The following KDM2A variants were observed in gnomAD, a reference collection of about 807,000 sequenced individuals.
The protein encoded by KDM2A is lysine-specific demethylase 2A.
Under a neutral mutation model 137.3 loss-of-function variants are expected in KDM2A, and 3 were observed. The observed-to-expected ratio is 0.02, with a 90% confidence interval of 0.01 to 0.06. The LOEUF is 0.06. Among genes scored for constraint, KDM2A ranks in the 10% least tolerant of loss-of-function variants. The probability of loss-of-function intolerance (pLI) is 1.00; values close to 1 mark genes in which losing one functional copy is unlikely to be tolerated. For synonymous variants in KDM2A, 512 were observed against 541.5 expected (o/e 0.95, Z 0.76); for missense variants, 738 against 1,510.6 (o/e 0.49, Z 8.48).
intron 2 of KDM2A, among the ~76,000 whole-genome samples, chr11:67,128,009 CTTT>C (rs56704753): frequency 7.4e-5 from 8 of 107,876 alleles, no homozygotes; most frequent in South Asian, 3.2e-4. Context: ...CACACCCGGC[CTTT>C]TTTTTTTTTT....
At chr11:67,216,090 A>G (rs1289603575) in intron 8 of KDM2A, 141 bp downstream of exon 8, 2 of 723,418 alleles carry the variant, frequency 2.8e-6, no homozygotes, top group African/African-American at 3.5e-5. Context: ...TTATAGATTA[A>G]GTTCACCTTC....
Position 67,248,267 on chromosome 11 carries a change from C to CT in KDM2A, c.1966-13dup. On this transcript the variant is annotated splice_polypyrimidine_tract_variant and intron_variant, in intron 15 of 20. Transcript: ENST00000529006. ...GAGAGACAGGCTTTTAAAAACATCT[C>CT]TGTCTTCCTATAGATGGACGGAGAG... 1 of 1,581,238 alleles carries CT rather than the reference C, an allele frequency of 6.3e-7. No individual in the cohort carries two copies. The highest frequency in any genetic ancestry group is 8.6e-7 in the Non-Finnish European group (1 of 1,157,454).
intron 5 of KDM2A, among the ~76,000 whole-genome samples, chr11:67,190,567 C>T (rs892885169): frequency 1.3e-5 from 2 of 152,108 alleles, no homozygotes; most frequent in African/African-American, 4.8e-5. Flanking sequence ...TGAGACCATC[C>T]TGGGCAACAT....
chr11:67,132,352 C>T (rs546045954), intron 2 of KDM2A, among the ~76,000 whole-genome samples: 9 of 152,316 alleles, frequency 5.9e-5, no homozygotes, highest in South Asian at 4.1e-4. Context: ...GGCACGATCT[C>T]GGCTCACTGT....
At chr11:67,193,807 G>A (rs1857413503) in intron 5 of KDM2A, among the ~76,000 whole-genome samples, 1 of 152,232 alleles carries the variant, frequency 6.6e-6, no homozygotes, top group African/African-American at 2.4e-5. Context: ...GTTGCGGTAA[G>A]CTGAGACCAT....
intron 16 of KDM2A, among the ~76,000 whole-genome samples, chr11:67,248,790 C>G (rs1410811369): frequency 2.0e-5 from 3 of 152,206 alleles, no homozygotes; most frequent in Non-Finnish European, 4.4e-5. Context: ...ACATTTTTGT[C>G]ATCTTCACTT....
intron 2 of KDM2A, among the ~76,000 whole-genome samples, chr11:67,179,624 A>G (rs2136334087): frequency 6.6e-6 from 1 of 152,294 alleles, no homozygotes; most frequent in Admixed American, 6.5e-5. Context: ...TATCTGAGAC[A>G]AGGGTTTTTG....
At chr11:67,162,647 C>T (rs1309034825) in intron 2 of KDM2A, among the ~76,000 whole-genome samples, 2 of 152,134 alleles carry the variant, frequency 1.3e-5, no homozygotes, top group Admixed American at 6.6e-5. Context: ...CTCAAGTGAT[C>T]CGCCCGCCTC....
chr11:67,197,821 G>A (rs1488053807), intron 5 of KDM2A, among the ~76,000 whole-genome samples: 1 of 152,080 alleles, frequency 6.6e-6, no homozygotes, highest in Non-Finnish European at 1.5e-5. Context: ...ACAATGCAAC[G>A]GCTAGAGGCA....
At chr11:67,173,205 C>G (rs1205982649) in intron 2 of KDM2A, among the ~76,000 whole-genome samples, 3 of 152,190 alleles carry the variant, frequency 2.0e-5, no homozygotes, top group African/African-American at 7.2e-5. Context: ...ACACTGCAAC[C>G]TCTGCCTCGC....
intron 2 of KDM2A, among the ~76,000 whole-genome samples, chr11:67,152,535 G>A (rs1273184851): frequency 6.6e-6 from 1 of 151,972 alleles, no homozygotes; most frequent in African/African-American, 2.4e-5. Flanking sequence ...TTGAGCCTGG[G>A]AGGTCAAGGC....
rs1857061097 is a variant in KDM2A, at chr11:67,180,260, GA to G, written c.181+45del. On this transcript the variant is annotated intron_variant, in intron 3 of 20. Coordinates refer to ENST00000529006, the MANE Select transcript of KDM2A (RefSeq NM_012308.3). ...TCCAGCTTACAGTCCTTTGATGTGG[GA>G]AGCCATAGACTCTGAGCATTGGGGG... 3 of 1,596,282 alleles carry G rather than the reference GA, an allele frequency of 1.9e-6. No individual in the cohort carries two copies. In the Admixed American group the frequency reaches 5.2e-5, roughly 28 times the overall value.
rs1590725111 is a variant in KDM2A, at chr11:67,150,077, G to A, written c.42+28719G>A. Among the ~76,000 whole-genome samples, 8 of 152,264 alleles carry A rather than the reference G, an allele frequency of 5.3e-5. No homozygotes were observed. In the South Asian group the frequency reaches 1.7e-3, roughly 32 times the overall value. ...AAAAGATAGCAAAATTCAACAATTC[G>A]TTGTGTAATGACAGATCTTACACGA... On this transcript the variant is annotated intron_variant, in intron 2 of 20. Transcript: ENST00000529006.
intron 16 of KDM2A, among the ~76,000 whole-genome samples, chr11:67,249,276 G>A (rs1219888792): frequency 6.6e-6 from 1 of 152,140 alleles, no homozygotes; most frequent in East Asian, 1.9e-4. Context: ...ATGTGTTGTT[G>A]GCAGATGGCT....
At chr11:67,214,063 G>A (rs920695874) in intron 6 of KDM2A, among the ~76,000 whole-genome samples, 59 of 151,576 alleles carry the variant, frequency 3.9e-4, no homozygotes, top group Non-Finnish European at 5.5e-4. Context: ...TTTTTGAGAC[G>A]GCGTTTCGCT....
intron 2 of KDM2A, among the ~76,000 whole-genome samples, chr11:67,145,708 A>G (rs1457145226): frequency 6.6e-6 from 1 of 151,892 alleles, no homozygotes; most frequent in Non-Finnish European, 1.5e-5. Flanking sequence ...TTTTCTCATT[A>G]CTTGAAAATG....
chr11:67,213,856 A>C (rs1858071386), intron 6 of KDM2A, among the ~76,000 whole-genome samples: 1 of 150,912 alleles, frequency 6.6e-6, no homozygotes, highest in African/African-American at 2.4e-5. Context: ...TAGTTATCTT[A>C]GTTTTTTTGT....
In KDM2A at chr11:67,177,191, G is replaced by A. The variant is rs150613065; in HGVS notation, c.43-2888G>A. ...TGAGGCGAGAGAATCACTTGAACCCGGGAGGTGGAGGTTGCAGAGAGCCGA... is the reference window on the plus strand; with the variant it reads ...TGAGGCGAGAGAATCACTTGAACCCAGGAGGTGGAGGTTGCAGAGAGCCGA... On this transcript the variant is annotated intron_variant, in intron 2 of 20. Transcript: ENST00000529006. 6.5e-3 allele frequency among the ~76,000 whole-genome samples: 983 copies of A among 152,076 alleles called. 3 individuals are homozygous for A. Among genetic ancestry groups the A allele is most frequent in the Non-Finnish European group, 0.01 (711 of 67,990 alleles).
intron 5 of KDM2A, among the ~76,000 whole-genome samples, chr11:67,204,417 G>A (rs1857739982): frequency 6.6e-6 from 1 of 151,542 alleles, no homozygotes; most frequent in Non-Finnish European, 1.5e-5. Flanking sequence ...TGTCTAATCT[G>A]TATATTTCAT....
Sources: allele counts gnomAD v4.1 joint callset (sites outside exome capture counted in the v4.1 genomes callset), GRCh38; gene constraint gnomAD v4.1.1; transcripts MANE v1.5; gene names NCBI Gene and HGNC (gene_info 2026-07-23, HGNC 2026-07-21).